Variants in MGMT observed in about 807,000 individuals in gnomAD.
MGMT encodes the protein O-6-methylguanine-DNA methyltransferase.
A neutral mutation model predicts 15.9 loss-of-function variants in MGMT; 14 were observed. That is an observed-to-expected ratio of 0.88 (90% confidence interval 0.58 to 1.37). The LOEUF (loss-of-function observed/expected upper bound fraction) is 1.37, where lower values mean the gene tolerates loss of function less well. Ranked by LOEUF, MGMT falls within the 40% of genes most tolerant of loss-of-function variation. The probability of loss-of-function intolerance (pLI) is 0.00; values close to 1 mark genes in which losing one functional copy is unlikely to be tolerated. For missense variants in MGMT, 282 were observed against 268.1 expected, an observed-to-expected ratio of 1.05 and a Z score of -0.36; for synonymous variants, 130 against 118.2, an observed-to-expected ratio of 1.10 and a Z score of -0.65.
intron 3 of MGMT, among the ~76,000 whole-genome samples, chr10:129,720,322 C>T (rs1330143670): frequency 6.6e-6 from 1 of 152,224 alleles, no homozygotes; most frequent in Non-Finnish European, 1.5e-5. Flanking sequence ...CCCATGTAGG[C>T]TGCTGCAAGA....
intron 3 of MGMT, among the ~76,000 whole-genome samples, chr10:129,731,033 T>A (rs1207866620): frequency 6.6e-6 from 1 of 152,188 alleles, no homozygotes; most frequent in Non-Finnish European, 1.5e-5. Flanking sequence ...GGAGCGAGCC[T>A]CCTAGGTGAA....
At chr10:129,715,372 C>T (rs993527132) in intron 3 of MGMT, 1 of 152,134 alleles carries the variant, frequency 6.6e-6, no homozygotes, top group Non-Finnish European at 1.5e-5. Context: ...AGGTTTCTGC[C>T]TGTGAGGAAA....
intron 4 of MGMT, among the ~76,000 whole-genome samples, chr10:129,763,236 T>C (rs1402167381): frequency 6.6e-6 from 1 of 152,232 alleles, no homozygotes; most frequent in Non-Finnish European, 1.5e-5. Flanking sequence ...TTACATTTTA[T>C]GCAGCACATG....
At chr10:129,589,654 C>T (rs545738361) in intron 2 of MGMT, among the ~76,000 whole-genome samples, 1 of 152,170 alleles carries the variant, frequency 6.6e-6, no homozygotes, top group Non-Finnish European at 1.5e-5. Context: ...CAATAGTGAC[C>T]CCCTATGGCC....
At chr10:129,720,197 A>G (rs1241467733) in intron 3 of MGMT, among the ~76,000 whole-genome samples, 1 of 152,216 alleles carries the variant, frequency 6.6e-6, no homozygotes, top group Non-Finnish European at 1.5e-5. Flanking sequence ...TAACTGAGAA[A>G]AGAACATTTT....
chr10:129,762,756 C>A (rs959470544), intron 4 of MGMT, among the ~76,000 whole-genome samples: 1 of 152,134 alleles, frequency 6.6e-6, no homozygotes, highest in Non-Finnish European at 1.5e-5. Context: ...GCGTTAATGA[C>A]CCCCCGAGGC....
chr10:129,495,512 TG>T (rs1845511642), intron 1 of MGMT, among the ~76,000 whole-genome samples: 1 of 152,252 alleles, frequency 6.6e-6, no homozygotes, highest in Non-Finnish European at 1.5e-5. Flanking sequence ...ATTTGCTGAT[TG>T]TGACTCATCA....
chr10:129,564,782 C>T (rs926903643), intron 2 of MGMT, among the ~76,000 whole-genome samples: 22 of 151,000 alleles, frequency 1.5e-4, no homozygotes, highest in Admixed American at 1.4e-3. Flanking sequence ...CTTCCTCACA[C>T]GCCCCCCTCA....
chr10:129,641,954 G>A (rs1427578266), intron 2 of MGMT, among the ~76,000 whole-genome samples: 1 of 152,194 alleles, frequency 6.6e-6, no homozygotes, highest in Non-Finnish European at 1.5e-5. Flanking sequence ...AGCCTCTGGG[G>A]TTAATAGAGT....
intron 1 of MGMT, among the ~76,000 whole-genome samples, chr10:129,515,560 C>T (rs7477105): frequency 0.29 from 43,696 of 152,112 alleles, 6,554 homozygotes; most frequent in Non-Finnish European, 0.32. Context: ...CCCCTAGATA[C>T]AGAGTGTATT....
At chr10:129,716,682 T>C (rs1848302573) in intron 3 of MGMT, among the ~76,000 whole-genome samples, 1 of 152,220 alleles carries the variant, frequency 6.6e-6, no homozygotes, top group Non-Finnish European at 1.5e-5. Flanking sequence ...TTCCCCTGCT[T>C]TTCCCCAAGA....
At chr10:129,737,994 C>G (rs1848584503) in intron 3 of MGMT, among the ~76,000 whole-genome samples, 1 of 152,228 alleles carries the variant, frequency 6.6e-6, no homozygotes, top group African/African-American at 2.4e-5. Flanking sequence ...GCAGAGGTTA[C>G]TGCTGTCTTT....
chr10:129,558,848 A>G (rs915228928), intron 2 of MGMT, among the ~76,000 whole-genome samples: 1 of 151,656 alleles, frequency 6.6e-6, no homozygotes, highest in African/African-American at 2.4e-5. Context: ...TTTTCCTTTT[A>G]CTTTCTGTTA....
At chr10:129,544,416 C>A (rs1846077580) in intron 2 of MGMT, among the ~76,000 whole-genome samples, 1 of 152,252 alleles carries the variant, frequency 6.6e-6, no homozygotes, top group South Asian at 2.1e-4. Context: ...CCTCAGGAAG[C>A]CCCAGCATGG....
At chr10:129,688,226 A>C (rs1205080661) in intron 2 of MGMT, among the ~76,000 whole-genome samples, 1 of 152,208 alleles carries the variant, frequency 6.6e-6, no homozygotes, top group Non-Finnish European at 1.5e-5. Context: ...TGGCTGGGCC[A>C]AATGGTATTT....
intron 3 of MGMT, among the ~76,000 whole-genome samples, chr10:129,719,608 G>A (rs891815565): frequency 3.9e-5 from 6 of 152,226 alleles, no homozygotes; most frequent in East Asian, 3.9e-4. Context: ...GGCGTGCATC[G>A]CTCGGGTCTC....
intron 2 of MGMT, among the ~76,000 whole-genome samples, chr10:129,624,113 C>A (rs1847119885): frequency 6.6e-6 from 1 of 152,260 alleles, no homozygotes; most frequent in Admixed American, 6.5e-5. Flanking sequence ...AATCTTCTTG[C>A]CCATCAGTTC....
intron 2 of MGMT, among the ~76,000 whole-genome samples, chr10:129,590,707 C>T (rs1846673656): frequency 6.6e-6 from 1 of 152,182 alleles, no homozygotes; most frequent in Non-Finnish European, 1.5e-5. Flanking sequence ...ATTTAAGATC[C>T]AGCAAGATAG....
intron 2 of MGMT, among the ~76,000 whole-genome samples, chr10:129,629,648 C>A (rs146541605): frequency 6.6e-6 from 1 of 152,286 alleles, no homozygotes; most frequent in African/African-American, 2.4e-5. Context: ...ATTAATCATT[C>A]TTTGCATGCA....
Sources: gnomAD v4.1 joint callset for allele counts (sites outside exome capture counted in the v4.1 genomes callset) on GRCh38, gnomAD v4.1.1 for gene constraint, MANE v1.5 for transcripts, NCBI Gene and HGNC (gene_info 2026-07-23, HGNC 2026-07-21) for gene names.